HDGFL2: variants seen among roughly 807,000 people sequenced by gnomAD.
HDGFL2 encodes the protein hepatoma-derived growth factor-related protein 2.
A neutral mutation model predicts 77.1 loss-of-function variants in HDGFL2; 36 were observed. The observed-to-expected ratio is 0.47, with a 90% CI of 0.36 to 0.62. The LOEUF is 0.62. Ranked by LOEUF, HDGFL2 falls within the 20% of genes least tolerant of loss-of-function variation. The probability of loss-of-function intolerance (pLI) is 0.00; values close to 1 mark genes in which losing one functional copy is unlikely to be tolerated. For synonymous variants in HDGFL2, 463 were observed against 413.1 expected (o/e 1.12, Z -1.46); for missense variants, 976 against 973.4 (o/e 1.00, Z -0.04).
At chr19:4,478,718 C>T (rs1054260609) in intron 3 of HDGFL2, among the ~76,000 whole-genome samples, 10 of 148,456 alleles carry the variant, frequency 6.7e-5, no homozygotes, top group African/African-American at 1.7e-4. Context: ...GTCTCACTCT[C>T]TCGCCCAGGC....
At chr19:4,478,624 T>C (rs1463020014) in intron 3 of HDGFL2, among the ~76,000 whole-genome samples, 3 of 151,894 alleles carry the variant, frequency 2.0e-5, no homozygotes, top group African/African-American at 4.8e-5. Flanking sequence ...CTGGTTCCAC[T>C]TGCATCGCCT....
At chr19:4,473,976 G>T (rs1308288178) in intron 1 of HDGFL2, among the ~76,000 whole-genome samples, 1 of 152,000 alleles carries the variant, frequency 6.6e-6, no homozygotes, top group African/African-American at 2.4e-5. Flanking sequence ...CTGGGGTCCC[G>T]ACGACCTGGA....
rs1325183290 is a variant in HDGFL2, at chr19:4,484,113, A to T, written c.289-4563A>T. Reference sequence around the variant, plus strand: ...CTTTTTTTTTTTTTTTTTTTGAGACAGTGTCTGTCACCCAGGCTGGAGTGC... The same window carrying T: ...CTTTTTTTTTTTTTTTTTTTGAGACTGTGTCTGTCACCCAGGCTGGAGTGC... On this transcript the variant is annotated intron_variant, in intron 3 of 15. Transcript: ENST00000616600. Among the ~76,000 whole-genome samples, 4 of 117,936 alleles carry T rather than the reference A, an allele frequency of 3.4e-5. No individual in the cohort carries two copies. The East Asian group carries it at 7.2e-4, about 21-fold the overall frequency. 77.4% of individuals were successfully genotyped at this position (117,936 alleles called of 152,430 possible).
At chr19:4,486,094 T>C (rs1975356148) in intron 3 of HDGFL2, among the ~76,000 whole-genome samples, 1 of 148,634 alleles carries the variant, frequency 6.7e-6, no homozygotes, top group Admixed American at 6.7e-5. Flanking sequence ...AAACTCAATC[T>C]CTCTCTGTCT....
At chr19:4,489,254 CCTTT>C (rs774643188) in intron 4 of HDGFL2, among the ~76,000 whole-genome samples, 40 of 97,290 alleles carry the variant, frequency 4.1e-4, no homozygotes, top group Non-Finnish European at 7.8e-4. Context: ...CGCCTGGCCA[CCTTT>C]CTTTTTTTTT....
chr19:4,484,888 G>A (rs1260020356), intron 3 of HDGFL2, among the ~76,000 whole-genome samples: 1 of 151,880 alleles, frequency 6.6e-6, no homozygotes, highest in Non-Finnish European at 1.5e-5. Flanking sequence ...AGCAAGGATG[G>A]TCTCGATCTC....
Position 4,498,331 on chromosome 19 carries a change from G to C in HDGFL2, c.1428G>C (p.Gln476His), listed in dbSNP as rs772487615. ...KKEPSVEEKL[Q>H]KLHSEIKFAL... ...AGCCCTCCGTGGAGGAGAAGCTGCA[G>C]AAGCTGCACAGTGAGATCAAGTTTG... The change falls in exon 12 of 16, where the codon CAG becomes CAC. Residue 476 changes from glutamine to histidine, a missense_variant. Around this residue, in one of 5 missense-constraint regions of HDGFL2, gnomAD observed 567 missense variants for 534.7 expected, o/e 1.06. Coordinates refer to ENST00000616600, the MANE Select transcript of HDGFL2 (RefSeq NM_001001520.3). The C allele has an allele frequency of 6.2e-7, 1 of 1,613,772 alleles. No individual in the cohort carries two copies. The highest frequency in any genetic ancestry group is 8.5e-7 in the Non-Finnish European group (1 of 1,179,994).
chr19:4,498,883 A>G lies in HDGFL2; in HGVS notation c.1543A>G (p.Lys515Glu). The G allele has an allele frequency of 1.9e-6, 3 of 1,611,908 alleles. No homozygotes were observed. Among genetic ancestry groups the G allele is most frequent in the Non-Finnish European group, 2.5e-6 (3 of 1,178,922 alleles). ...GCAGGTGACCTCTCAGATCCTCCAG[A>G]AGAACACAGACGTGGTGGCCACCTT... ...TLQVTSQILQKNTDVVATLKK... is the reference protein window; with the variant it reads ...TLQVTSQILQENTDVVATLKK... The change falls in exon 13 of 16, where the codon AAG becomes GAG. Residue 515 changes from lysine to glutamate, a missense_variant. Physicochemically the swap from Lys to Glu is moderately conservative, Grantham distance 56 (BLOSUM62 1). This residue lies in a region of HDGFL2 where 46 missense variants were observed against 81.3 expected (regional missense o/e 0.57). Coordinates refer to ENST00000616600, the MANE Select transcript of HDGFL2 (RefSeq NM_001001520.3).
In HDGFL2 at chr19:4,501,309, C is replaced by T. The variant is rs192598858; in HGVS notation, c.1908C>T (p.Asp636=). Residue 636 remains aspartate (D), a synonymous_variant, in exon 15 of 16, where the codon GAC becomes GAT. Transcript: ENST00000616600. ...EEGPRCGSSE[D]LHDSVREGPD... is the part of the protein sequence containing the mutation. ...GGCCAAGGTGTGGCTCCTCTGAAGACCTGCACGAGTGAGTGTCCCGGGCCG... is the reference window on the plus strand; with the variant it reads ...GGCCAAGGTGTGGCTCCTCTGAAGATCTGCACGAGTGAGTGTCCCGGGCCG... 2,058 of 1,600,664 alleles carry T rather than the reference C, an allele frequency of 1.3e-3. 5 individuals are homozygous for T. Among genetic ancestry groups the T allele is most frequent in the South Asian group, 2.0e-3 (181 of 89,322 alleles).
chr19:4,494,696 G>A (rs1169396063), intron 9 of HDGFL2, among the ~76,000 whole-genome samples: 1 of 152,148 alleles, frequency 6.6e-6, no homozygotes, highest in Non-Finnish European at 1.5e-5. Flanking sequence ...GAAGTGGGAC[G>A]ATTACTTGAG....
At chr19:4,498,625 C>T (rs1975772228) in intron 12 of HDGFL2, among the ~76,000 whole-genome samples, 189 bp from the exon 13 acceptor site, 1 of 152,128 alleles carries the variant, frequency 6.6e-6, no homozygotes, top group African/African-American at 2.4e-5. Flanking sequence ...CCCCCACGTA[C>T]CTGGGACCCC....
At chr19:4,489,121 T>G (rs960590317) in intron 4 of HDGFL2, among the ~76,000 whole-genome samples, 23 of 151,856 alleles carry the variant, frequency 1.5e-4, no homozygotes, top group African/African-American at 5.6e-4. Flanking sequence ...ACTTGGCTAA[T>G]TTTTGTATTT....
In HDGFL2 at chr19:4,481,485, C is replaced by T. The variant is rs556605846; in HGVS notation, c.288+5902C>T. Among the ~76,000 whole-genome samples the T allele has an allele frequency of 6.6e-5, 10 of 151,968 alleles. No individual in the cohort carries two copies. The East Asian group carries it at 1.4e-3, about 21-fold the overall frequency. ...GATTACAGGCTTGAGCCACCGCGCCCGGCCTTAATTTTTTGTATTTTTAGT... is the reference window on the plus strand; with the variant it reads ...GATTACAGGCTTGAGCCACCGCGCCTGGCCTTAATTTTTTGTATTTTTAGT... On this transcript the variant is annotated intron_variant, in intron 3 of 15. Coordinates refer to ENST00000616600, the MANE Select transcript of HDGFL2 (RefSeq NM_001001520.3).
chr19:4,475,886 A>C lies in HDGFL2; in HGVS notation c.288+303A>C, dbSNP rs570184699. Among the ~76,000 whole-genome samples the C allele has an allele frequency of 6.4e-5, 8 of 124,630 alleles. No individual in the cohort carries two copies. The South Asian group carries it at 9.9e-4, about 15-fold the overall frequency. The allele number at this position is 124,630 out of a possible 152,430, so 81.8% of individuals were successfully genotyped here. On this transcript the variant is annotated intron_variant, in intron 3 of 15. Coordinates refer to ENST00000616600, the MANE Select transcript of HDGFL2 (RefSeq NM_001001520.3). ...GAACCCCTGCTGTAGAATCAGTCCA[A>C]GTTTCTTTTTTTTTTTTTTTTGAGA...
Position 4,501,318 on chromosome 19 carries a change from G to A in HDGFL2, c.1916+1G>A, listed in dbSNP as rs1347397736. ...GTGGCTCCTCTGAAGACCTGCACGA[G>A]TGAGTGTCCCGGGCCGTGGGGTTTG... On this transcript the variant is annotated splice_donor_variant, in intron 15 of 15. Coordinates refer to ENST00000616600, the MANE Select transcript of HDGFL2 (RefSeq NM_001001520.3). LOFTEE classifies it high-confidence loss of function. 1 of 1,595,140 alleles carries A rather than the reference G, an allele frequency of 6.3e-7. No homozygotes were observed. Among genetic ancestry groups the A allele is most frequent in the Non-Finnish European group, 8.6e-7 (1 of 1,168,882 alleles).
intron 3 of HDGFL2, among the ~76,000 whole-genome samples, chr19:4,482,875 C>G (rs1474501969): frequency 6.6e-6 from 1 of 152,144 alleles, no homozygotes; most frequent in Non-Finnish European, 1.5e-5. Flanking sequence ...ACCAGCTCCT[C>G]CTGTGGAAGA....
chr19:4,477,411 CA>C (rs1277359715), intron 3 of HDGFL2, among the ~76,000 whole-genome samples: 6 of 152,270 alleles, frequency 3.9e-5, no homozygotes, highest in African/African-American at 1.4e-4. Context: ...CTTTAACACC[CA>C]TGGTGTGTCT....
chr19:4,486,008 G>C (rs565926013), intron 3 of HDGFL2, among the ~76,000 whole-genome samples: 1 of 145,914 alleles, frequency 6.9e-6, no homozygotes, highest in Non-Finnish European at 1.5e-5. Flanking sequence ...AGTCGTGATC[G>C]CGCCACTGCA....
intron 3 of HDGFL2, among the ~76,000 whole-genome samples, chr19:4,486,969 TCTC>T (rs1357072718): frequency 1.3e-5 from 2 of 148,220 alleles, no homozygotes; most frequent in Non-Finnish European, 3.0e-5. Context: ...CTCCTCTCTC[TCTC>T]TTTTTTTTTT....
Sources: allele counts gnomAD v4.1 joint callset (sites outside exome capture counted in the v4.1 genomes callset), GRCh38; gene constraint gnomAD v4.1.1; regional missense constraint gnomAD v4.1.1; transcripts MANE v1.5; gene names NCBI Gene and HGNC (gene_info 2026-07-23, HGNC 2026-07-21).